Variants in NTM observed in about 807,000 individuals in gnomAD.
NTM encodes IgLON family member 2.
Under a neutral mutation model 42.1 loss-of-function variants are expected in NTM, and 13 were observed. The observed-to-expected ratio is 0.31, with a 90% CI of 0.20 to 0.49. NTM has a LOEUF of 0.49. Ranked by LOEUF, NTM falls within the 20% of genes least tolerant of loss-of-function variation. The pLI, the probability that NTM is intolerant of heterozygous loss-of-function variation, is 0.99. For synonymous variants in NTM, 187 were observed against 179.2 expected, an observed-to-expected ratio of 1.04 and a Z score of -0.35; for missense variants, 373 against 452.8, an observed-to-expected ratio of 0.82 and a Z score of 1.60.
At chr11:131,397,356 T>G (rs1214907877) in intron 1 of NTM, among the ~76,000 whole-genome samples, 1 of 152,136 alleles carries the variant, frequency 6.6e-6, no homozygotes, top group African/African-American at 2.4e-5. Context: ...TTTACCTTTT[T>G]AAGTACTCCT....
intron 1 of NTM, among the ~76,000 whole-genome samples, chr11:131,388,602 T>C (rs892601536): frequency 6.6e-6 from 1 of 152,084 alleles, no homozygotes; most frequent in Non-Finnish European, 1.5e-5. Flanking sequence ...TACATTTTAA[T>C]AGGAATGTGT....
At chr11:131,911,964 A>C (rs1226963805) in intron 2 of NTM, among the ~76,000 whole-genome samples, 1 of 152,024 alleles carries the variant, frequency 6.6e-6, no homozygotes, top group Non-Finnish European at 1.5e-5. Context: ...TCTGTGCCTG[A>C]GCCTGGTGGC....
intron 2 of NTM, among the ~76,000 whole-genome samples, chr11:132,012,503 G>A (rs572338185): frequency 6.6e-6 from 1 of 152,110 alleles, no homozygotes; most frequent in Non-Finnish European, 1.5e-5. Flanking sequence ...GAAGATGAAA[G>A]CATATGATGA....
intron 1 of NTM, chr11:131,661,124 C>T (rs759260527): frequency 2.1e-5 from 21 of 1,004,738 alleles, no homozygotes; most frequent in Non-Finnish European, 2.6e-5. Context: ...GTGGAGATTC[C>T]TTTCCTCAGG....
chr11:131,471,824 T>G (rs1366100160), intron 1 of NTM, among the ~76,000 whole-genome samples: 1 of 152,210 alleles, frequency 6.6e-6, no homozygotes, highest in Non-Finnish European at 1.5e-5. Flanking sequence ...AGGGATTTAC[T>G]CCGATCACCA....
intron 1 of NTM, 34 bp downstream of exon 1, chr11:131,370,922 C>T: frequency 2.5e-6 from 4 of 1,611,708 alleles, no homozygotes; most frequent in Non-Finnish European, 3.4e-6. Flanking sequence ...CTTCGGTAGA[C>T]CCAGGAATTG....
chr11:132,150,705 T>A (rs965634563), intron 3 of NTM, among the ~76,000 whole-genome samples: 2 of 152,166 alleles, frequency 1.3e-5, no homozygotes, highest in African/African-American at 4.8e-5. Flanking sequence ...GAGAAGAGTC[T>A]GGAGTCCAAG....
At chr11:131,455,421 C>A (rs923273034) in intron 1 of NTM, 4 of 152,262 alleles carry the variant, frequency 2.6e-5, no homozygotes, top group Non-Finnish European at 5.9e-5. Flanking sequence ...AGCGCTAAAA[C>A]CTTCCTGAGG....
Position 131,424,871 on chromosome 11 carries a change from T to A in NTM, c.82+53983T>A, listed in dbSNP as rs1330926012. Among the ~76,000 whole-genome samples, 1,007 of 147,264 alleles carry A rather than the reference T, an allele frequency of 6.8e-3. 10 individuals carry two copies. The highest frequency in any genetic ancestry group is 0.024 in the African/African-American group (962 of 40,562). On this transcript the variant is annotated intron_variant, in intron 1 of 8. Coordinates refer to ENST00000683400, the MANE Select transcript of NTM (RefSeq NM_001352005.2). ...GGCGTGAGCCACCACGCCCAGCTTT[T>A]TTTTTTTTTATTTTTTTATTTTTTT...
At chr11:131,455,419 A>G (rs916496220) in intron 1 of NTM, 1 of 152,212 alleles carries the variant, frequency 6.6e-6, no homozygotes, top group Non-Finnish European at 1.5e-5. Context: ...CAAGCGCTAA[A>G]ACCTTCCTGA....
chr11:131,614,037 T>A (rs538674801), intron 1 of NTM, among the ~76,000 whole-genome samples: 1 of 152,318 alleles, frequency 6.6e-6, no homozygotes, highest in African/African-American at 2.4e-5. Flanking sequence ...TAGAAGGACT[T>A]ATGAGTAGCC....
chr11:131,619,958 C>A (rs1011343194), intron 1 of NTM, among the ~76,000 whole-genome samples: 14 of 151,984 alleles, frequency 9.2e-5, no homozygotes, highest in Non-Finnish European at 1.5e-4. Flanking sequence ...GCACACACTA[C>A]CAAGCCCAGC....
chr11:132,119,561 T>C (rs2064430629), intron 2 of NTM, among the ~76,000 whole-genome samples: 1 of 152,180 alleles, frequency 6.6e-6, no homozygotes, highest in Non-Finnish European at 1.5e-5. Flanking sequence ...TTCTTACCGT[T>C]CAATCAGGAC....
chr11:132,214,368 G>A (rs1175306374), intron 4 of NTM, among the ~76,000 whole-genome samples: 1 of 152,074 alleles, frequency 6.6e-6, no homozygotes, highest in Non-Finnish European at 1.5e-5. Flanking sequence ...CTGATGTCAA[G>A]AGGCTCTGTC....
rs548807038 is a variant in NTM, at chr11:132,267,798, C to G, written c.527-39891C>G. Among the ~76,000 whole-genome samples the G allele has an allele frequency of 2.0e-5, 3 of 151,262 alleles. No individual in the cohort carries two copies. In the East Asian group the frequency reaches 5.9e-4, roughly 30 times the overall value. ...CAGATGTTGCAGCGAGCCGAGATCG[C>G]TCCATTGCACTCCAGTCTGGGTGAC... On this transcript the variant is annotated intron_variant, in intron 4 of 8. Coordinates refer to ENST00000683400, the MANE Select transcript of NTM (RefSeq NM_001352005.2).
chr11:131,805,090 C>A (rs1217398944), intron 1 of NTM, among the ~76,000 whole-genome samples: 2 of 152,124 alleles, frequency 1.3e-5, no homozygotes, highest in Non-Finnish European at 2.9e-5. Flanking sequence ...TAAATAAGTA[C>A]AAATAGATGA....
intron 1 of NTM, among the ~76,000 whole-genome samples, chr11:131,541,548 T>A (rs1165620132): frequency 6.6e-6 from 1 of 151,766 alleles, no homozygotes; most frequent in African/African-American, 2.4e-5. Context: ...GTGAGCTATG[T>A]AAAGCCAGTC....
At chr11:131,642,933 A>T (rs1191856675) in intron 1 of NTM, among the ~76,000 whole-genome samples, 2 of 152,162 alleles carry the variant, frequency 1.3e-5, no homozygotes, top group Non-Finnish European at 2.9e-5. Context: ...TCTTCAGCAT[A>T]ATCGCTTCTT....
At chr11:131,685,214 T>TG (rs2073677353) in intron 1 of NTM, among the ~76,000 whole-genome samples, 1 of 152,110 alleles carries the variant, frequency 6.6e-6, no homozygotes, top group Non-Finnish European at 1.5e-5. Flanking sequence ...ACAATCAGCT[T>TG]GGGGGGCAGC....
Sources: allele counts gnomAD v4.1 joint callset (sites outside exome capture counted in the v4.1 genomes callset), GRCh38; gene constraint gnomAD v4.1.1; transcripts MANE v1.5; gene names NCBI Gene and HGNC (gene_info 2026-07-23, HGNC 2026-07-21).